SHPK: variants seen among roughly 807,000 people sequenced by gnomAD.
The protein encoded by SHPK is sedoheptulokinase.
A neutral mutation model predicts 46.3 loss-of-function variants in SHPK; 51 were observed. That is an observed-to-expected ratio of 1.10 (90% CI 0.88 to 1.39). The LOEUF is 1.39. SHPK is among the 40% of genes most tolerant of loss of function. SHPK has a pLI of 0.00. For missense variants in SHPK, 668 were observed against 641.3 expected, an observed-to-expected ratio of 1.04 and a Z score of -0.45; for synonymous variants, 290 against 273.9, an observed-to-expected ratio of 1.06 and a Z score of -0.58.
At chr17:3,633,920 C>G (rs2075489567) in intron 1 of SHPK, among the ~76,000 whole-genome samples, 2 of 151,294 alleles carry the variant, frequency 1.3e-5, no homozygotes, top group Admixed American at 1.3e-4. Flanking sequence ...TTGTTCCGTA[C>G]TAAGAAAAAT....
chr17:3,622,613 A>T, intron 4 of SHPK: 3 of 984,632 alleles, frequency 3.0e-6, no homozygotes, highest in Non-Finnish European at 3.6e-6. Flanking sequence ...GTGAACTTAC[A>T]GGGCACTGGA....
intron 6 of SHPK, among the ~76,000 whole-genome samples, chr17:3,611,832 C>G (rs2150865773): frequency 8.0e-6 from 1 of 125,712 alleles, no homozygotes; most frequent in Non-Finnish European, 1.6e-5. Context: ...CTGAGGCTCG[C>G]TGTGTCACCC....
intron 4 of SHPK, among the ~76,000 whole-genome samples, chr17:3,622,238 T>G (rs1270105830): frequency 2.0e-5 from 3 of 152,216 alleles, no homozygotes; most frequent in African/African-American, 7.2e-5. Flanking sequence ...TCTCTGGCTT[T>G]TTTAAAACCA....
chr17:3,622,706 CTTTTTTT>C lies in SHPK; in HGVS notation c.647+626_647+632del, dbSNP rs10643273. On this transcript the variant is annotated intron_variant, in intron 4 of 6. Coordinates refer to ENST00000225519, the MANE Select transcript of SHPK (RefSeq NM_013276.4). ...AGCCTACTATCTCTAGTTCTTTTTT[CTTTTTTT>C]TTTTTTTTGAGACAAGAGTCTCGCT... 19 of 220,878 alleles carry C rather than the reference CTTTTTTT, an allele frequency of 8.6e-5. No homozygotes were observed. In the South Asian group the frequency reaches 1.2e-3, roughly 14 times the overall value. The allele number at this position is 220,878 out of a possible 1,614,324, so 13.7% of individuals were successfully genotyped here.
chr17:3,610,902 G>A lies in SHPK; in HGVS notation c.1095C>T (p.His365=). The A allele has an allele frequency of 1.2e-6, 2 of 1,614,020 alleles. No individual in the cohort carries two copies. The highest frequency in any genetic ancestry group is 1.7e-6 in the Non-Finnish European group (2 of 1,179,984). The change falls in exon 7 of 7, where the codon CAC becomes CAT. Residue 365 remains histidine, a synonymous_variant. Transcript: ENST00000225519. Reference sequence around the variant, plus strand: ...CCAGCACTGTCGGGGTGATGGTCAGGTGGGTATCTCTCTGCTGCACAGCTG... The same window carrying A: ...CCAGCACTGTCGGGGTGATGGTCAGATGGGTATCTCTCTGCTGCACAGCTG... ...IQAAVQQRDT[H]LTITPTVLGE...
chr17:3,627,076 G>A (rs1330309188), intron 2 of SHPK, among the ~76,000 whole-genome samples: 1 of 152,084 alleles, frequency 6.6e-6, no homozygotes, highest in Non-Finnish European at 1.5e-5. Flanking sequence ...TCAGCCATTG[G>A]TATTTCCTCT....
chr17:3,628,413 C>T (rs1463228560), intron 2 of SHPK, among the ~76,000 whole-genome samples: 1 of 151,640 alleles, frequency 6.6e-6, no homozygotes, highest in Non-Finnish European at 1.5e-5. Context: ...ACCTCTGCCT[C>T]CCGGGTTCAA....
chr17:3,616,395 G>A (rs1226032681), intron 5 of SHPK, among the ~76,000 whole-genome samples: 1 of 152,120 alleles, frequency 6.6e-6, no homozygotes, highest in Non-Finnish European at 1.5e-5. Context: ...CCAGGGAACT[G>A]AGGCCTTCTA....
chr17:3,619,367 C>G, intron 5 of SHPK: 1 of 1,495,552 alleles, frequency 6.7e-7, no homozygotes, highest in South Asian at 1.1e-5. Context: ...ATACATTGAA[C>G]CATTCCGGGT....
chr17:3,623,578 C>T (rs545483591), intron 3 of SHPK, 87 bp from the exon 4 acceptor site: 132 of 1,388,550 alleles, frequency 9.5e-5, no homozygotes, highest in South Asian at 9.4e-4. Flanking sequence ...CAGGGACCAG[C>T]TGTGCCATGG....
rs2075316085 is a variant in SHPK, at chr17:3,608,653, A to T, written c.*1907T>A. ...TGTCAGACCGTGGTTGACCGCAGAT[A>T]ACTGAACCCATGGAAAGTGACACCG... On this transcript the variant is annotated 3_prime_UTR_variant, in exon 7 of 7. Coordinates refer to ENST00000225519, the MANE Select transcript of SHPK (RefSeq NM_013276.4). The T allele has an allele frequency of 6.6e-6, 1 of 152,198 alleles. No individual in the cohort carries two copies. Among genetic ancestry groups the T allele is most frequent in the Non-Finnish European group, 1.5e-5 (1 of 68,058 alleles). 9.4% of individuals were successfully genotyped at this position (152,198 alleles called of 1,614,324 possible). A position where few individuals can be genotyped will look rare whatever the true frequency, so the allele number is the denominator to read the frequency against.
At chr17:3,626,985 A>G (rs1005321461) in intron 2 of SHPK, among the ~76,000 whole-genome samples, 1 of 152,292 alleles carries the variant, frequency 6.6e-6, no homozygotes, top group African/African-American at 2.4e-5. Context: ...TTACCATCCA[A>G]TGGGTGGAAA....
In SHPK at chr17:3,636,138, C is replaced by G; in HGVS notation, c.82G>C (p.Asp28His). The G allele has an allele frequency of 6.2e-7, 1 of 1,611,666 alleles. No individual in the cohort carries two copies. The highest frequency in any genetic ancestry group is 8.5e-7 in the Non-Finnish European group (1 of 1,178,982). ...KAALLRAAPD[D>H]PSGFAVLASC... ...GCCAGCACTGCGAACCCGGATGGGT[C>G]GTCGGGCGCGGCCCTCAGCAGAGCT... Residue 28 changes from aspartate (D) to histidine (H), a missense_variant, in exon 1 of 7, where the codon GAC becomes CAC. Asp to His is a moderately conservative substitution (Grantham distance 81). Transcript: ENST00000225519.
intron 2 of SHPK, among the ~76,000 whole-genome samples, chr17:3,626,719 C>T (rs1395697442): frequency 7.0e-5 from 6 of 85,914 alleles, no homozygotes; most frequent in Non-Finnish European, 1.4e-4. Flanking sequence ...AAGACTCCAT[C>T]TCAAAAAAAA....
At chr17:3,618,660 G>C (rs2075381634) in intron 5 of SHPK, among the ~76,000 whole-genome samples, 1 of 152,044 alleles carries the variant, frequency 6.6e-6, no homozygotes, top group South Asian at 2.1e-4. Context: ...TGCGCCTGTA[G>C]TCTCAGCTAC....
At chr17:3,632,886 C>CA (rs2075481388) in intron 1 of SHPK, among the ~76,000 whole-genome samples, 1 of 151,682 alleles carries the variant, frequency 6.6e-6, no homozygotes, top group Non-Finnish European at 1.5e-5. Flanking sequence ...ATTGTCTGCA[C>CA]AGCTGCCAAG....
rs771396006 is a variant in SHPK, at chr17:3,630,398, G to A, written c.169-52C>T. Reference sequence around the variant, plus strand: ...AGGGGCAGACACACAGGCAGGGGGAGGGGCGCAGGCCTCCCGGGATGTCCT... The same window carrying A: ...AGGGGCAGACACACAGGCAGGGGGAAGGGCGCAGGCCTCCCGGGATGTCCT... On this transcript the variant is annotated intron_variant, in intron 1 of 6. Coordinates refer to ENST00000225519, the MANE Select transcript of SHPK (RefSeq NM_013276.4). The A allele has an allele frequency of 2.6e-6, 4 of 1,547,890 alleles. No homozygotes were observed. In the Admixed American group the frequency reaches 7.4e-5, roughly 29 times the overall value.
At chr17:3,621,185 T>G (rs1302358489) in intron 5 of SHPK, 52 bp downstream of exon 5, 1 of 1,475,176 alleles carries the variant, frequency 6.8e-7, no homozygotes, top group Non-Finnish European at 9.1e-7. Flanking sequence ...AGCTGGTGCT[T>G]ATGAGGCAGG....
rs1406582585 is a variant in SHPK, at chr17:3,621,408, T to C, written c.652A>G (p.Arg218Gly). The stretch of plus-strand genomic sequence containing the variant: ...AGGTGGACAGGAAAACCCGAGCTCC[T>C]CAGTCTGTAAAACAGAAGTGGACAC... ...QSQSWNVETLRSSGFPVHLLP... is the reference protein window; with the variant it reads ...QSQSWNVETLGSSGFPVHLLP... Residue 218 changes from arginine (R) to glycine (G), a missense_variant, in exon 5 of 7, where the codon AGG becomes GGG. Coordinates refer to ENST00000225519, the MANE Select transcript of SHPK (RefSeq NM_013276.4). 1 of 1,613,600 alleles carries C rather than the reference T, an allele frequency of 6.2e-7. No homozygotes were observed. Among genetic ancestry groups the C allele is most frequent in the Non-Finnish European group, 8.5e-7 (1 of 1,179,722 alleles).
Sources: gnomAD v4.1 joint callset for allele counts (sites outside exome capture counted in the v4.1 genomes callset) on GRCh38, gnomAD v4.1.1 for gene constraint, MANE v1.5 for transcripts, NCBI Gene and HGNC (gene_info 2026-07-23, HGNC 2026-07-21) for gene names.